Variants in STK33 observed in about 807,000 individuals in gnomAD.
The protein encoded by STK33 is serine/threonine-protein kinase 33.
In STK33, 52 loss-of-function variants were observed where a neutral mutation model predicts 58.0. The observed-to-expected ratio is 0.90, with a 90% confidence interval of 0.72 to 1.13. STK33 has a LOEUF of 1.13. Among genes scored for constraint, STK33 ranks in the 50% most tolerant of loss-of-function variants. The probability of loss-of-function intolerance (pLI) is 0.00; values close to 1 mark genes in which losing one functional copy is unlikely to be tolerated. For missense variants in STK33, 630 were observed against 604.2 expected, an observed-to-expected ratio of 1.04 and a Z score of -0.45; for synonymous variants, 215 against 200.1, an observed-to-expected ratio of 1.07 and a Z score of -0.63.
chr11:8,460,971 A>C (rs1488227535), intron 8 of STK33, among the ~76,000 whole-genome samples: 5 of 152,212 alleles, frequency 3.3e-5, no homozygotes, highest in African/African-American at 1.2e-4. Flanking sequence ...ACAAAGAACA[A>C]TAGAGAAACA....
chr11:8,468,604 T>A (rs1224611881), intron 6 of STK33, among the ~76,000 whole-genome samples: 5 of 151,162 alleles, frequency 3.3e-5, no homozygotes, highest in African/African-American at 9.7e-5. Flanking sequence ...TTTTGGCTTA[T>A]TTTTTTTTCT....
chr11:8,526,971 C>CTT (rs34815448), intron 1 of STK33, among the ~76,000 whole-genome samples: 1 of 127,628 alleles, frequency 7.8e-6, no homozygotes, highest in Non-Finnish European at 1.6e-5. Flanking sequence ...GAGATTTCCT[C>CTT]TTTTTTTTTT....
At chr11:8,424,279 G>A (rs1289849888) in intron 14 of STK33, among the ~76,000 whole-genome samples, 1 of 150,890 alleles carries the variant, frequency 6.6e-6, no homozygotes, top group African/African-American at 2.4e-5. Context: ...GAGAATGATG[G>A]TTTCCAGCTT....
At chr11:8,537,003 CAGAGTTTCA>C (rs1955081604) in intron 1 of STK33, among the ~76,000 whole-genome samples, 1 of 26,860 alleles carries the variant, frequency 3.7e-5, no homozygotes, top group Admixed American at 4.6e-4. Flanking sequence ...TTTTTTGTGA[CAGAGTTTCA>C]CTCTGTCACC....
intron 1 of STK33, among the ~76,000 whole-genome samples, chr11:8,566,802 A>T (rs1591823246): frequency 6.6e-6 from 1 of 152,284 alleles, no homozygotes; most frequent in Non-Finnish European, 1.5e-5. Context: ...TCTAGTGGAA[A>T]TTTTTTAAAT....
intron 14 of STK33, among the ~76,000 whole-genome samples, chr11:8,421,456 G>A (rs1459766502): frequency 6.6e-5 from 10 of 152,102 alleles, no homozygotes; most frequent in Non-Finnish European, 1.5e-4. Context: ...GATACACCTG[G>A]ATATGTTTCT....
intron 1 of STK33, among the ~76,000 whole-genome samples, chr11:8,506,053 T>C (rs1477647009): frequency 6.6e-6 from 1 of 152,252 alleles, no homozygotes; most frequent in Non-Finnish European, 1.5e-5. Context: ...GTATTATTAT[T>C]TCTGGGCACT....
intron 1 of STK33, among the ~76,000 whole-genome samples, chr11:8,566,268 C>T (rs1034705626): frequency 6.6e-6 from 1 of 152,194 alleles, no homozygotes; most frequent in African/African-American, 2.4e-5. Flanking sequence ...AATTCAACTC[C>T]TTGTTATCTC....
chr11:8,545,600 T>G (rs1272327879), intron 1 of STK33, among the ~76,000 whole-genome samples: 1 of 152,128 alleles, frequency 6.6e-6, no homozygotes, highest in East Asian at 1.9e-4. Flanking sequence ...TTTAAGAAAT[T>G]TATATTAAGA....
At chr11:8,449,574 T>C (rs1046196729) in intron 11 of STK33, among the ~76,000 whole-genome samples, 5 of 146,892 alleles carry the variant, frequency 3.4e-5, no homozygotes, top group Non-Finnish European at 5.9e-5. Context: ...TAGGTGGGAA[T>C]TGAACGATGA....
chr11:8,404,918 A>G (rs1938820884), intron 15 of STK33, among the ~76,000 whole-genome samples: 1 of 152,194 alleles, frequency 6.6e-6, no homozygotes. Context: ...AGGTAGGCGG[A>G]TCGCGAGGTC....
chr11:8,482,874 C>A (rs369280942), intron 1 of STK33, among the ~76,000 whole-genome samples: 1 of 151,812 alleles, frequency 6.6e-6, no homozygotes, highest in Non-Finnish European at 1.5e-5. Flanking sequence ...GGACTACAGG[C>A]GCCCACCACC....
intron 2 of STK33, among the ~76,000 whole-genome samples, chr11:8,478,989 AT>A (rs1183793927): frequency 6.6e-6 from 1 of 152,140 alleles, no homozygotes; most frequent in Non-Finnish European, 1.5e-5. Context: ...TTATTTCAGA[AT>A]TTTTTTAAAT....
the STK33 span, among the ~76,000 whole-genome samples, chr11:8,376,040 G>A: frequency 6.6e-6 from 1 of 152,148 alleles, no homozygotes; most frequent in Admixed American, 6.5e-5. Flanking sequence ...ACATACAACA[G>A]GGCAAATGCA....
At chr11:8,446,627 C>T (rs1212129205) in intron 11 of STK33, among the ~76,000 whole-genome samples, 1 of 152,030 alleles carries the variant, frequency 6.6e-6, no homozygotes, top group African/African-American at 2.4e-5. Flanking sequence ...GATATATAGA[C>T]CAATGGAACA....
intron 1 of STK33, among the ~76,000 whole-genome samples, chr11:8,519,800 T>C (rs1387011542): frequency 1.3e-5 from 2 of 152,012 alleles, no homozygotes; most frequent in African/African-American, 2.4e-5. Context: ...CAGAAAGAGG[T>C]TGAATCCCTG....
chr11:8,588,366 A>C (rs1028707028), intron 1 of STK33, among the ~76,000 whole-genome samples: 5 of 152,116 alleles, frequency 3.3e-5, no homozygotes, highest in Non-Finnish European at 1.5e-5. Flanking sequence ...ATGTAACTGG[A>C]GTGACAAGGA....
rs767801091 is a variant in STK33 at position 8,461,811 on chromosome 11, C to T, written c.552G>A (p.Thr184=). The T allele has an allele frequency of 3.2e-5, 51 of 1,580,098 alleles. 1 individual carries two copies. The South Asian group carries it at 5.5e-4, about 17-fold the overall frequency. ...HIIHLEQVFE[T]PKKMYLVMEL... Reference sequence around the variant, plus strand: ...GCGCCTAATAGAGGTTTACCTTTGGCGTTTCAAATACTTGTTCCAGATGTA... The same window carrying T: ...GCGCCTAATAGAGGTTTACCTTTGGTGTTTCAAATACTTGTTCCAGATGTA... The change falls in exon 8 of 16, where the codon ACG becomes ACA. Residue 184 remains threonine (T), a synonymous_variant. Transcript: ENST00000687296.
In STK33 at chr11:8,409,290, A is replaced by G. The variant is rs1251163097; in HGVS notation, c.1344+4205T>C. 5.3e-5 allele frequency among the ~76,000 whole-genome samples: 8 copies of G among 152,352 alleles called. No homozygotes were observed. In the South Asian group the frequency reaches 6.2e-4, roughly 12 times the overall value. On this transcript the variant is annotated intron_variant, in intron 15 of 15. Transcript: ENST00000687296. ...ATTCAGATCTGTTCCACAAATCTCC[A>G]CAATTCTGGAACCTGTGGCTTTCTG...
Sources: allele counts gnomAD v4.1 joint callset (sites outside exome capture counted in the v4.1 genomes callset), GRCh38; gene constraint gnomAD v4.1.1; transcripts MANE v1.5; gene names NCBI Gene and HGNC (gene_info 2026-07-23, HGNC 2026-07-21).